Variants in PRR16 observed in about 807,000 individuals in gnomAD.
PRR16 encodes the protein protein Largen.
In PRR16, 6 loss-of-function variants were observed where a neutral mutation model predicts 18.2. That is an observed-to-expected ratio of 0.33 (90% CI 0.18 to 0.65). PRR16 has a LOEUF of 0.65. Ranked by LOEUF, PRR16 falls within the 30% of genes least tolerant of loss-of-function variation. The pLI is 0.74. For synonymous variants in PRR16, 151 were observed against 147.8 expected (o/e 1.02, Z -0.16); for missense variants, 412 against 376.6 (o/e 1.09, Z -0.78).
chr5:120,686,072 A>G lies in PRR16; in HGVS notation c.278A>G (p.Glu93Gly), dbSNP rs1230018200. The G allele has an allele frequency of 6.2e-7, 1 of 1,614,128 alleles. No individual in the cohort carries two copies. The highest frequency in any genetic ancestry group is 8.5e-7 in the Non-Finnish European group (1 of 1,180,014). The change falls in exon 2 of 2, where the codon GAG (glutamate) becomes GGG (glycine). Residue 93 changes from glutamate to glycine, a missense_variant. By Grantham distance (98) the Glu-to-Gly change is moderately conservative (BLOSUM62 -2). Transcript: ENST00000407149. ...SSSGTTASSL[E>G]KIKVQANAPL... ...AGTGGCACAACAGCCTCCAGCCTAG[A>G]GAAGATCAAAGTGCAGGCTAATGCA...
chr5:120,641,048 G>T (rs948515964), intron 1 of PRR16, among the ~76,000 whole-genome samples: 14 of 152,096 alleles, frequency 9.2e-5, no homozygotes, highest in Non-Finnish European at 1.8e-4. Flanking sequence ...GAGTATGGGT[G>T]GGGAGAGGAG....
chr5:120,677,607 C>A (rs1372022036), intron 1 of PRR16, among the ~76,000 whole-genome samples: 2 of 152,120 alleles, frequency 1.3e-5, no homozygotes, highest in African/African-American at 4.8e-5. Flanking sequence ...ATCTATAAAT[C>A]TTCTTGGAAA....
intron 1 of PRR16, among the ~76,000 whole-genome samples, chr5:120,615,519 A>T (rs1461488616): frequency 6.6e-6 from 1 of 150,480 alleles, no homozygotes; most frequent in Non-Finnish European, 1.5e-5. Context: ...CTTCAGCATT[A>T]TAATTTTATG....
At chr5:120,516,342 T>C (rs1428295069) in intron 1 of PRR16, among the ~76,000 whole-genome samples, 1 of 150,344 alleles carries the variant, frequency 6.7e-6, no homozygotes, top group Non-Finnish European at 1.5e-5. Flanking sequence ...CAAGAATCAC[T>C]TGAACCCAGG....
intron 1 of PRR16, among the ~76,000 whole-genome samples, chr5:120,480,338 C>A (rs1749570717): frequency 6.6e-6 from 1 of 152,178 alleles, no homozygotes; most frequent in Non-Finnish European, 1.5e-5. Context: ...CCAATACTCA[C>A]CAATAACCTC....
intron 1 of PRR16, among the ~76,000 whole-genome samples, chr5:120,595,255 A>G (rs1422992144): frequency 1.3e-5 from 2 of 151,990 alleles, no homozygotes; most frequent in Non-Finnish European, 2.9e-5. Flanking sequence ...AAATCAAACA[A>G]TCTCATTAAA....
the PRR16 span, among the ~76,000 whole-genome samples, chr5:120,769,748 T>G: frequency 6.6e-6 from 1 of 151,908 alleles, no homozygotes; most frequent in Non-Finnish European, 1.5e-5. Context: ...CTGGATTATA[T>G]GGTAGTCCTG....
At chr5:120,748,796 T>C in the PRR16 span, among the ~76,000 whole-genome samples, 4 of 152,084 alleles carry the variant, frequency 2.6e-5, no homozygotes, top group Non-Finnish European at 4.4e-5. Flanking sequence ...AGAAGGCTCA[T>C]TGTGGACAGA....
chr5:120,741,711 C>A, the PRR16 span, among the ~76,000 whole-genome samples: 107 of 152,124 alleles, frequency 7.0e-4, no homozygotes, highest in Non-Finnish European at 1.4e-3. Context: ...AAGCGATTCC[C>A]CTGTCTCAGC....
chr5:120,520,543 C>T (rs1243842534), intron 1 of PRR16, among the ~76,000 whole-genome samples: 1 of 152,176 alleles, frequency 6.6e-6, no homozygotes, highest in African/African-American at 2.4e-5. Flanking sequence ...GAGAGAAACT[C>T]TTTATTCAAA....
At chr5:120,727,333 G>T in the PRR16 span, among the ~76,000 whole-genome samples, 1 of 151,978 alleles carries the variant, frequency 6.6e-6, no homozygotes, top group Non-Finnish European at 1.5e-5. Context: ...CTCCCCAGTT[G>T]GTGTCTTCCG....
chr5:120,783,609 G>C, the PRR16 span, among the ~76,000 whole-genome samples: 1 of 152,054 alleles, frequency 6.6e-6, no homozygotes, highest in Non-Finnish European at 1.5e-5. Context: ...ATAGTTGTAT[G>C]TATTTAAGGG....
Position 120,656,452 on chromosome 5 carries a change from A to G in PRR16, c.160-29502A>G, listed in dbSNP as rs78941156. 2.1e-3 allele frequency among the ~76,000 whole-genome samples: 302 copies of G among 146,020 alleles called. 2 individuals carry two copies. Among genetic ancestry groups the G allele is most frequent in the Middle Eastern group, 7.0e-3 (2 of 286 alleles). On this transcript the variant is annotated intron_variant, in intron 1 of 1. Transcript: ENST00000407149. ...AAAGAAAATAGAAAGCCATTCTAAC[A>G]GTAGTAATCACTCTCAAAAAAAAAA...
chr5:120,682,895 A>G (rs1222750681), intron 1 of PRR16, among the ~76,000 whole-genome samples: 1 of 152,220 alleles, frequency 6.6e-6, no homozygotes. Flanking sequence ...CATTTACTTA[A>G]CAAATATTTG....
Position 120,464,654 on chromosome 5 carries a change from C to A in PRR16, c.159+9C>A. The A allele has an allele frequency of 6.5e-7, 1 of 1,549,752 alleles. No homozygotes were observed. ...CCAAGGAACTTAAGGAGGTGAGAGG[C>A]GCAGGGGTGGGGAGGGAGTTCGGCA... On this transcript the variant is annotated intron_variant, in intron 1 of 1. Transcript: ENST00000407149.
the PRR16 span, among the ~76,000 whole-genome samples, chr5:120,733,616 A>G: frequency 6.6e-6 from 1 of 152,184 alleles, no homozygotes; most frequent in Non-Finnish European, 1.5e-5. Flanking sequence ...CATGAACGGC[A>G]TTAAACCTAT....
intron 1 of PRR16, among the ~76,000 whole-genome samples, chr5:120,679,531 G>A (rs1756907499): frequency 6.6e-6 from 1 of 152,104 alleles, no homozygotes; most frequent in Non-Finnish European, 1.5e-5. Flanking sequence ...TCACTTGGCT[G>A]TAATAAAATC....
At chr5:120,564,262 C>G (rs1405146519) in intron 1 of PRR16, among the ~76,000 whole-genome samples, 1 of 152,066 alleles carries the variant, frequency 6.6e-6, no homozygotes, top group African/African-American at 2.4e-5. Flanking sequence ...TGGCTGGTGT[C>G]TCCTTAAGTC....
intron 1 of PRR16, among the ~76,000 whole-genome samples, chr5:120,603,769 A>G (rs1361864478): frequency 6.6e-6 from 1 of 151,918 alleles, no homozygotes; most frequent in Non-Finnish European, 1.5e-5. Flanking sequence ...TGTTTTAATT[A>G]GTTTCAAATA....
Sources: gnomAD v4.1 joint callset for allele counts (sites outside exome capture counted in the v4.1 genomes callset) on GRCh38, gnomAD v4.1.1 for gene constraint, MANE v1.5 for transcripts, NCBI Gene and HGNC (gene_info 2026-07-23, HGNC 2026-07-21) for gene names.